Variants in ADAMTS6 observed in about 807,000 individuals in gnomAD.
The protein encoded by ADAMTS6 is ADAM metallopeptidase with thrombospondin type 1 motif 6.
A neutral mutation model predicts 144.3 loss-of-function variants in ADAMTS6; 23 were observed. The observed-to-expected ratio is 0.16, with a 90% CI of 0.11 to 0.23. The LOEUF (loss-of-function observed/expected upper bound fraction) is 0.23, where lower values mean the gene tolerates loss of function less well. ADAMTS6 is among the 10% of genes least tolerant of loss of function. The probability of loss-of-function intolerance (pLI) is 1.00; values close to 1 mark genes in which losing one functional copy is unlikely to be tolerated. For missense variants in ADAMTS6, 999 were observed against 1,379.6 expected, an observed-to-expected ratio of 0.72 and a Z score of 4.37; for synonymous variants, 444 against 457.5, an observed-to-expected ratio of 0.97 and a Z score of 0.38.
chr5:65,376,130 A>G, intron 7 of ADAMTS6, among the ~76,000 whole-genome samples: 1 of 149,196 alleles, frequency 6.7e-6, no homozygotes. Flanking sequence ...GGCAGGGGGG[A>G]GGGATAGCAT....
intron 18 of ADAMTS6, among the ~76,000 whole-genome samples, chr5:65,218,842 T>A (rs1048874541): frequency 6.6e-5 from 10 of 151,942 alleles, no homozygotes; most frequent in Non-Finnish European, 1.2e-4. Context: ...GCACAAAGAA[T>A]GGAATGGGAC....
intron 7 of ADAMTS6, among the ~76,000 whole-genome samples, chr5:65,425,803 C>T (rs1378733020): frequency 6.6e-6 from 1 of 151,708 alleles, no homozygotes; most frequent in Non-Finnish European, 1.5e-5. Context: ...TCACTCTGTC[C>T]CCCAGGCTTG....
At chr5:65,348,845 AT>A (rs1445672554) in intron 7 of ADAMTS6, among the ~76,000 whole-genome samples, 8 of 152,094 alleles carry the variant, frequency 5.3e-5, no homozygotes, top group African/African-American at 1.9e-4. Flanking sequence ...AATACAAAAA[AT>A]AAATTTAAAA....
intron 9 of ADAMTS6, among the ~76,000 whole-genome samples, chr5:65,326,208 C>A (rs1746158963): frequency 6.6e-6 from 1 of 151,944 alleles, no homozygotes; most frequent in African/African-American, 2.4e-5. Flanking sequence ...TCTTGCCACC[C>A]CTCTTTGACA....
chr5:65,395,558 A>G (rs1296080082), intron 7 of ADAMTS6, among the ~76,000 whole-genome samples: 1 of 152,182 alleles, frequency 6.6e-6, no homozygotes, highest in Non-Finnish European at 1.5e-5. Flanking sequence ...TAGTGTGCCC[A>G]AACACTGAAT....
intron 9 of ADAMTS6, among the ~76,000 whole-genome samples, chr5:65,319,418 G>T (rs1745317846): frequency 6.6e-6 from 1 of 151,028 alleles, no homozygotes. Flanking sequence ...GGTGGCTCGG[G>T]CCTGTAATCC....
chr5:65,287,240 T>C (rs1741764166), intron 11 of ADAMTS6, among the ~76,000 whole-genome samples: 1 of 152,088 alleles, frequency 6.6e-6, no homozygotes, highest in South Asian at 2.1e-4. Flanking sequence ...CCCTAAAAAA[T>C]GACTTTAGAG....
intron 9 of ADAMTS6, among the ~76,000 whole-genome samples, chr5:65,325,541 G>T (rs77402957): frequency 0.017 from 2,507 of 150,248 alleles, 60 homozygotes; most frequent in African/African-American, 0.059. Flanking sequence ...CCAGAATGGA[G>T]TGCGGTGGCA....
chr5:65,186,993 A>G (rs1419909223), intron 22 of ADAMTS6, among the ~76,000 whole-genome samples: 1 of 152,216 alleles, frequency 6.6e-6, no homozygotes, highest in Non-Finnish European at 1.5e-5. Context: ...GTTCCTAAAG[A>G]ACAACGTTTA....
At chr5:65,210,505 G>A (rs1162472826) in intron 20 of ADAMTS6, 1 of 330,148 alleles carries the variant, frequency 3.0e-6, no homozygotes, top group Non-Finnish European at 5.8e-6. Flanking sequence ...GATTGGAGAT[G>A]AATATAATGT....
rs141150039 is a variant in ADAMTS6, at chr5:65,408,788, T to C, written c.1073+42687A>G. Among the ~76,000 whole-genome samples the C allele has an allele frequency of 7.2e-3, 1,093 of 152,228 alleles. 13 individuals are homozygous for C. The highest frequency in any genetic ancestry group is 0.025 in the African/African-American group (1,027 of 41,558). On this transcript the variant is annotated intron_variant, in intron 7 of 24. Transcript: ENST00000381055. The stretch of plus-strand genomic sequence containing the variant: ...AGCAAATGAAAAAGAACAGAAATTA[T>C]AACAAACTGTCTCTCAGACCACAGT...
intron 7 of ADAMTS6, among the ~76,000 whole-genome samples, chr5:65,373,772 T>G (rs1339544897): frequency 1.3e-5 from 2 of 152,152 alleles, no homozygotes; most frequent in African/African-American, 4.8e-5. Context: ...GCCAGCATCA[T>G]CCTGATACCA....
chr5:65,170,794 A>G (rs779274215), intron 23 of ADAMTS6, 21 bp from the exon 24 acceptor site: 2 of 1,600,984 alleles, frequency 1.2e-6, no homozygotes, highest in South Asian at 2.2e-5. Context: ...AGACACAAAG[A>G]AACAAAATAT....
chr5:65,355,780 AATTT>A (rs1390984891), intron 7 of ADAMTS6, among the ~76,000 whole-genome samples: 3 of 151,850 alleles, frequency 2.0e-5, no homozygotes, highest in Non-Finnish European at 4.4e-5. Flanking sequence ...CATTTTAATT[AATTT>A]ATTAGAGTTT....
intron 7 of ADAMTS6, among the ~76,000 whole-genome samples, chr5:65,351,634 CACAGTGGT>C (rs779697377): frequency 5.3e-4 from 80 of 152,124 alleles, no homozygotes; most frequent in Non-Finnish European, 6.6e-4. Flanking sequence ...ATTAGCCAGG[CACAGTGGT>C]ACAGTGGTGT....
intron 21 of ADAMTS6, among the ~76,000 whole-genome samples, chr5:65,195,654 T>C (rs1755297770): frequency 6.6e-6 from 1 of 152,244 alleles, no homozygotes; most frequent in Non-Finnish European, 1.5e-5. Flanking sequence ...TTTATGTATT[T>C]TAACTTCCAT....
At chr5:65,191,300 A>C (rs1023507530) in intron 21 of ADAMTS6, among the ~76,000 whole-genome samples, 3 of 152,144 alleles carry the variant, frequency 2.0e-5, no homozygotes, top group Non-Finnish European at 4.4e-5. Context: ...AAATAGTATA[A>C]TTTGGAGAAG....
At chr5:65,155,464 T>C (rs1345739456) in intron 24 of ADAMTS6, among the ~76,000 whole-genome samples, 1 of 152,142 alleles carries the variant, frequency 6.6e-6, no homozygotes, top group African/African-American at 2.4e-5. Flanking sequence ...TTGTAGGCAG[T>C]TGGAACACAG....
rs1418011702 is a variant in ADAMTS6, at chr5:65,230,683, T to C, written c.1934-4464A>G. ...ATATATAACACATATGTATGAAATA[T>C]ATATAACACATATGTATGAAATATA... On this transcript the variant is annotated intron_variant, in intron 15 of 24. Coordinates refer to ENST00000381055, the MANE Select transcript of ADAMTS6 (RefSeq NM_197941.4). Among the ~76,000 whole-genome samples, 23 of 105,410 alleles carry C rather than the reference T, an allele frequency of 2.2e-4. 4 individuals carry two copies. The highest frequency in any genetic ancestry group is 3.8e-4 in the Non-Finnish European group (21 of 54,648). 69.2% of individuals were successfully genotyped at this position (105,410 alleles called of 152,430 possible). A position where few individuals can be genotyped will look rare whatever the true frequency, so the allele number is the denominator to read the frequency against.
Sources: gnomAD v4.1 joint callset for allele counts (sites outside exome capture counted in the v4.1 genomes callset) on GRCh38, gnomAD v4.1.1 for gene constraint, MANE v1.5 for transcripts, NCBI Gene and HGNC (gene_info 2026-07-23, HGNC 2026-07-21) for gene names.